Variants in SCTR observed in about 807,000 individuals in gnomAD.
The protein encoded by SCTR is pancreatic secretin receptor.
SCTR carries 56 observed loss-of-function variants against 60.8 expected under a neutral mutation model. The ratio of observed to expected loss-of-function variants is 0.92; its 90% CI spans 0.74 to 1.15. SCTR has a LOEUF of 1.15. Ranked by LOEUF, SCTR falls within the 50% of genes most tolerant of loss-of-function variation. The pLI, the probability that SCTR is intolerant of heterozygous loss-of-function variation, is 0.00. For missense variants in SCTR, 562 were observed against 550.4 expected (o/e 1.02, Z -0.21); for synonymous variants, 202 against 217.0 (o/e 0.93, Z 0.61).
intron 1 of SCTR, among the ~76,000 whole-genome samples, chr2:119,511,143 C>T (rs1422856659): frequency 6.6e-6 from 1 of 150,660 alleles, no homozygotes; most frequent in Non-Finnish European, 1.5e-5. Flanking sequence ...GCAGAGCTTG[C>T]AGTGAGCCCA....
At chr2:119,486,912 C>T (rs1217843436) in intron 2 of SCTR, 1 of 152,130 alleles carries the variant, frequency 6.6e-6, no homozygotes, top group African/African-American at 2.4e-5. Flanking sequence ...CAGAGGGCAT[C>T]GGGGGCCAGG....
At chr2:119,446,193 AT>A (rs1466963663) in intron 11 of SCTR, among the ~76,000 whole-genome samples, 2 of 152,116 alleles carry the variant, frequency 1.3e-5, no homozygotes, top group Non-Finnish European at 2.9e-5. Context: ...GAATCAAAGG[AT>A]TCCTGTTACA....
intron 12 of SCTR, among the ~76,000 whole-genome samples, chr2:119,441,007 G>A (rs1205816308): frequency 6.6e-6 from 1 of 152,204 alleles, no homozygotes; most frequent in Non-Finnish European, 1.5e-5. Flanking sequence ...AGAGCCTGGG[G>A]TCCTGACCCA....
intron 3 of SCTR, among the ~76,000 whole-genome samples, 160 bp from the exon 4 acceptor site, chr2:119,473,716 T>C (rs570175355): frequency 3.9e-5 from 6 of 152,190 alleles, no homozygotes; most frequent in African/African-American, 7.2e-5. Context: ...CCCTAGTAAA[T>C]AGGGGGAAAG....
At chr2:119,453,237 A>G in intron 8 of SCTR, 50 bp downstream of exon 8, 1 of 1,393,192 alleles carries the variant, frequency 7.2e-7, no homozygotes, top group Non-Finnish European at 1.0e-6. Context: ...CTGTTTGAAA[A>G]GCTGGACGAT....
At chr2:119,472,229 G>A (rs756900393) in intron 4 of SCTR, among the ~76,000 whole-genome samples, 7 of 152,220 alleles carry the variant, frequency 4.6e-5, no homozygotes, top group Non-Finnish European at 1.0e-4. Context: ...AATAGTTGGA[G>A]GCCAACACCA....
intron 11 of SCTR, among the ~76,000 whole-genome samples, chr2:119,443,210 C>G (rs984932904): frequency 2.0e-5 from 3 of 152,144 alleles, no homozygotes; most frequent in Non-Finnish European, 4.4e-5. Context: ...CACAAGCCAG[C>G]AAGTTTACTA....
At chr2:119,492,294 T>G (rs1421413097) in intron 2 of SCTR, among the ~76,000 whole-genome samples, 1 of 152,232 alleles carries the variant, frequency 6.6e-6, no homozygotes, top group Non-Finnish European at 1.5e-5. Flanking sequence ...GTGAAACCAG[T>G]GTATCAGGCT....
chr2:119,512,390 CTT>C, intron 1 of SCTR, among the ~76,000 whole-genome samples: 1 of 113,622 alleles, frequency 8.8e-6, no homozygotes, highest in Non-Finnish European at 1.7e-5. Context: ...TCTCCTTCTC[CTT>C]CTCCTTCTTC....
intron 1 of SCTR, among the ~76,000 whole-genome samples, chr2:119,502,820 C>T (rs560612765): frequency 1.5e-3 from 199 of 133,642 alleles, no homozygotes; most frequent in Non-Finnish European, 2.5e-3. Context: ...AGTGAGACCT[C>T]GTCAAAAAAA....
chr2:119,487,399 CAA>C (rs1367839697), intron 2 of SCTR: 1 of 152,184 alleles, frequency 6.6e-6, no homozygotes, highest in Non-Finnish European at 1.5e-5. Context: ...CAGGTAGAGA[CAA>C]GAAGGAAAAT....
intron 11 of SCTR, 182 bp from the exon 12 acceptor site, chr2:119,441,781 G>A: frequency 1.6e-6 from 1 of 607,678 alleles, no homozygotes. Context: ...CCCTGGCTGT[G>A]CTGGCTCATC....
chr2:119,482,032 A>C (rs1223986537), intron 2 of SCTR, among the ~76,000 whole-genome samples: 1 of 152,226 alleles, frequency 6.6e-6, no homozygotes, highest in Non-Finnish European at 1.5e-5. Context: ...GCAATCAAGC[A>C]GAGCCAGAAG....
At position 119,481,996 on chromosome 2, in the gene SCTR, GGCTCTA is replaced by G. The variant is rs536338479; in HGVS notation, c.194-3084_194-3079del. 1.1e-3 allele frequency among the ~76,000 whole-genome samples: 162 copies of G among 152,302 alleles called. 1 individual carries two copies. The highest frequency in any genetic ancestry group is 3.8e-3 in the African/African-American group (158 of 41,554). ...GGTGCCCCCAGTTCCCGATGTGCCT[GGCTCTA>G]CCCCCACTTTATAAACGCAGCAATC... On this transcript the variant is annotated intron_variant, in intron 2 of 12. Coordinates refer to ENST00000019103, the MANE Select transcript of SCTR (RefSeq NM_002980.3).
At chr2:119,520,682 G>A (rs1211402739) in intron 1 of SCTR, among the ~76,000 whole-genome samples, 1 of 152,180 alleles carries the variant, frequency 6.6e-6, no homozygotes, top group Non-Finnish European at 1.5e-5. Flanking sequence ...GAGGGATGGA[G>A]ATAGGAGGGA....
chr2:119,474,525 TGTTG>T (rs1307031768), intron 3 of SCTR, among the ~76,000 whole-genome samples: 1 of 152,100 alleles, frequency 6.6e-6, no homozygotes, highest in African/African-American at 2.4e-5. Context: ...CCGGTGTAAG[TGTTG>T]CAGGGGGCAG....
chr2:119,441,685 C>T, intron 11 of SCTR, 86 bp from the exon 12 acceptor site: 1 of 1,123,714 alleles, frequency 8.9e-7, no homozygotes, highest in Non-Finnish European at 1.3e-6. Flanking sequence ...CTCCCCAGGT[C>T]TCTTAATCAC....
chr2:119,524,173 G>T lies in SCTR; in HGVS notation c.54C>A (p.Leu18=), dbSNP rs745459908. The T allele has an allele frequency of 3.3e-5, 50 of 1,534,886 alleles. No individual in the cohort carries two copies. The highest frequency in any genetic ancestry group is 4.2e-5 in the Non-Finnish European group (48 of 1,139,688). ...TACTCACCGAGTGCGCGGCGCAGGC[G>T]AGCAGCACCGGCAGTAGTAGCTGCT... is the stretch of plus-strand genomic sequence containing the variant. ...PLQQLLLPVL[L]ACAAHSTGAL... is the part of the protein sequence containing the mutation. The change falls in exon 1 of 13, where the codon CTC becomes CTA. Residue 18 remains leucine (L), a synonymous_variant. Coordinates refer to ENST00000019103, the MANE Select transcript of SCTR (RefSeq NM_002980.3).
At chr2:119,518,501 ACTGCGGGACGTGATGAAC>A (rs1375391995) in intron 1 of SCTR, among the ~76,000 whole-genome samples, 2 of 152,176 alleles carry the variant, frequency 1.3e-5, no homozygotes, top group East Asian at 3.9e-4. Flanking sequence ...ATGGGCTAAG[ACTGCGGGACGTGATGAAC>A]CAGGGATGAC....
Sources: allele counts gnomAD v4.1 joint callset (sites outside exome capture counted in the v4.1 genomes callset), GRCh38; gene constraint gnomAD v4.1.1; transcripts MANE v1.5; gene names NCBI Gene and HGNC (gene_info 2026-07-23, HGNC 2026-07-21).